HCN4: variants seen among roughly 807,000 people sequenced by gnomAD.
HCN4 encodes the protein hyperpolarization activated cyclic nucleotide gated potassium channel 4.
In HCN4, 29 loss-of-function variants were observed where a neutral mutation model predicts 76.9. The ratio of observed to expected loss-of-function variants is 0.38; its 90% CI spans 0.28 to 0.51. The LOEUF is 0.51. Among genes scored for constraint, HCN4 ranks in the 20% least tolerant of loss-of-function variants. The pLI is 0.90. For synonymous variants in HCN4, 772 were observed against 762.5 expected, an observed-to-expected ratio of 1.01 and a Z score of -0.21; for missense variants, 1,416 against 1,715.2, an observed-to-expected ratio of 0.83 and a Z score of 3.08.
Position 73,324,212 on chromosome 15 carries a change from T to G in HCN4, c.2020A>C (p.Arg674=). Residue 674 remains arginine (R), a synonymous_variant, in exon 7 of 8, where the codon AGG becomes CGG. Transcript: ENST00000261917. ...LTRGRRTASV[R]ADTYCRLYSL... Reference sequence around the variant, plus strand: ...TAGAGGCGGCAGTAGGTGTCGGCCCTCACGCTGGCTGTGCGCCGGCCCCGG... The same window carrying G: ...TAGAGGCGGCAGTAGGTGTCGGCCCGCACGCTGGCTGTGCGCCGGCCCCGG... The G allele has an allele frequency of 1.2e-6, 2 of 1,614,050 alleles. No individual in the cohort carries two copies. Among genetic ancestry groups the G allele is most frequent in the Non-Finnish European group, 1.7e-6 (2 of 1,179,962 alleles).
At chr15:73,340,486 C>T (rs1016510420) in intron 2 of HCN4, among the ~76,000 whole-genome samples, 6 of 152,174 alleles carry the variant, frequency 3.9e-5, no homozygotes, top group South Asian at 2.1e-4. Context: ...CCACCTGCGA[C>T]GGAAACCAGG....
In HCN4 at chr15:73,368,081, C is replaced by T; in HGVS notation, c.190G>A (p.Gly64Ser). The change falls in exon 1 of 8, where the codon GGC becomes AGC. Residue 64 changes from glycine (G) to serine (S), a missense_variant. Physicochemically the swap from Gly to Ser is moderately conservative, Grantham distance 56. This residue lies in a region of HCN4 where 355 missense variants were observed against 347.8 expected (regional missense o/e 1.02). Transcript: ENST00000261917. This position sits in a 1 kb window ranked among gnomAD's most constrained non-coding sequence, Gnocchi z 6.9. ...AGGGCCGAGCTCCGGGACTCCGTGCCACCCGCGGCCGCCGAGGGGGAGGGC... is the reference window on the plus strand; with the variant it reads ...AGGGCCGAGCTCCGGGACTCCGTGCTACCCGCGGCCGCCGAGGGGGAGGGC... Reference protein sequence around the residue: ...PSPSPSAAAGGTESRSSALGA... With the variant: ...PSPSPSAAAGSTESRSSALGA... 6.7e-7 allele frequency: 1 copy of T among 1,487,856 alleles called. No individual in the cohort carries two copies. 92.2% of individuals were successfully genotyped at this position (1,487,856 alleles called of 1,614,324 possible).
Position 73,322,499 on chromosome 15 carries a change from T to G in HCN4, c.3594A>C (p.Lys1198Asn), listed in dbSNP as rs1485671664. The G allele has an allele frequency of 6.3e-7, 1 of 1,597,444 alleles. No homozygotes were observed. The highest frequency in any genetic ancestry group is 8.5e-7 in the Non-Finnish European group (1 of 1,172,098). The change falls in exon 8 of 8, where the codon AAA becomes AAC. Residue 1198 changes from lysine (K) to asparagine (N), a missense_variant. Transcript: ENST00000261917. ...PGARPEPVRS[K>N]LPSNL ...GCCCAGCTCATAGATTGGATGGCAG[T>G]TTGGAGCGCACTGGCTCAGGCCTGG...
intron 1 of HCN4, among the ~76,000 whole-genome samples, chr15:73,364,722 C>T (rs74022954): frequency 0.12 from 18,394 of 151,786 alleles, 1,438 homozygotes; most frequent in African/African-American, 0.22. Context: ...GGGGTGGGAT[C>T]GGGGGCAGGT....
At chr15:73,340,087 C>T (rs2042991432) in intron 2 of HCN4, among the ~76,000 whole-genome samples, 1 of 152,222 alleles carries the variant, frequency 6.6e-6, no homozygotes, top group Non-Finnish European at 1.5e-5. Flanking sequence ...CTCTGCCTCC[C>T]CCAGAGAAAG....
Position 73,329,748 on chromosome 15 carries a change from G to A in HCN4, c.1415C>T (p.Ala472Val). The change falls in exon 4 of 8, where the codon GCC becomes GTC. Residue 472 changes from alanine (A) to valine (V), a missense_variant. Physicochemically the swap from Ala to Val is moderately conservative, Grantham distance 64 (BLOSUM62 0). Around this residue, in one of 6 missense-constraint regions of HCN4, gnomAD observed 112 missense variants for 259.9 expected, o/e 0.43. Coordinates refer to ENST00000261917, the MANE Select transcript of HCN4 (RefSeq NM_005477.3). Reference sequence around the variant, plus strand: ...GCCGATGCACAGCATGTGGCTCATGGCCTTGAAGAGCGCGTAGGAGTACTG... The same window carrying A: ...GCCGATGCACAGCATGTGGCTCATGACCTTGAAGAGCGCGTAGGAGTACTG... ...GKQYSYALFK[A>V]MSHMLCIGYG... 6.2e-7 allele frequency: 1 copy of A among 1,614,150 alleles called. No homozygotes were observed. The highest frequency in any genetic ancestry group is 8.5e-7 in the Non-Finnish European group (1 of 1,179,998).
At chr15:73,346,708 G>C (rs1304864734) in intron 1 of HCN4, among the ~76,000 whole-genome samples, 1 of 152,156 alleles carries the variant, frequency 6.6e-6, no homozygotes, top group Admixed American at 6.5e-5. Context: ...CCAGGTATCC[G>C]TAAAAAGCCC....
chr15:73,333,916 T>A (rs1295296983), intron 2 of HCN4, among the ~76,000 whole-genome samples: 1 of 152,226 alleles, frequency 6.6e-6, no homozygotes, highest in East Asian at 1.9e-4. Context: ...TGTAGCCAGG[T>A]CTGCCTGATT....
At chr15:73,339,381 G>A (rs111481512) in intron 2 of HCN4, among the ~76,000 whole-genome samples, 1 of 152,208 alleles carries the variant, frequency 6.6e-6, no homozygotes, top group Admixed American at 6.5e-5. Context: ...GGGCCCGGCT[G>A]GGGGAGGCAG....
chr15:73,368,297 G>T lies in HCN4; in HGVS notation c.-27C>A. On this transcript the variant is annotated 5_prime_UTR_variant, in exon 1 of 8. Transcript: ENST00000261917. The surrounding 1 kb of genome is among the most constrained non-coding windows in gnomAD (Gnocchi z 6.9). The stretch of plus-strand genomic sequence containing the variant: ...GCGCCAGGGGCCGGGGTCGGACCGG[G>T]CCGGGGGCAGGAGCGCGGCGCCGCG... 1 of 1,454,926 alleles carries T rather than the reference G, an allele frequency of 6.9e-7. No homozygotes were observed. The highest frequency in any genetic ancestry group is 9.0e-7 in the Non-Finnish European group (1 of 1,105,254). The allele number at this position is 1,454,926 out of a possible 1,614,324, so 90.1% of individuals were successfully genotyped here.
Position 73,320,259 on chromosome 15 carries a change from C to T in HCN4, c.*2222G>A, listed in dbSNP as rs1425544060. ...CCTTCCAGTTCTCAGAACTCCTGAG[C>T]CAGCACAGTAGAGACCAGTACTAGG... On this transcript the variant is annotated 3_prime_UTR_variant, in exon 8 of 8. Coordinates refer to ENST00000261917, the MANE Select transcript of HCN4 (RefSeq NM_005477.3). The T allele has an allele frequency of 2.6e-5, 4 of 152,354 alleles. No homozygotes were observed. In the East Asian group the frequency reaches 7.7e-4, roughly 29 times the overall value. The allele number at this position is 152,354 out of a possible 1,614,324, so 9.4% of individuals were successfully genotyped here. A position where few individuals can be genotyped will look rare whatever the true frequency, so the allele number is the denominator to read the frequency against.
Position 73,324,084 on chromosome 15 carries a change from C to T in HCN4, c.2143+5G>A, listed in dbSNP as rs547362030. ...CCTGCCCCGCCTGTGGCCCCTCCCC[C>T]TCACCAATGCGGTCCAGGCGGTCCA... On this transcript the variant is annotated splice_donor_5th_base_variant and intron_variant, in intron 7 of 7. Transcript: ENST00000261917. 1.1e-5 allele frequency: 18 copies of T among 1,612,764 alleles called. No individual in the cohort carries two copies. The Admixed American group carries it at 1.3e-4, about 12-fold the overall frequency.
At chr15:73,357,389 C>T (rs1004493009) in intron 1 of HCN4, among the ~76,000 whole-genome samples, 2 of 152,112 alleles carry the variant, frequency 1.3e-5, no homozygotes, top group Non-Finnish European at 2.9e-5. Context: ...TGTTTCCTTC[C>T]TCTGCCAATC....
chr15:73,338,842 T>C (rs1044843027), intron 2 of HCN4, among the ~76,000 whole-genome samples: 4 of 152,200 alleles, frequency 2.6e-5, no homozygotes, highest in African/African-American at 9.6e-5. Flanking sequence ...TGGGTGCAGT[T>C]TGAAGGCAGC....
chr15:73,324,352 C>G (rs2042886056), intron 6 of HCN4, 99 bp from the exon 7 acceptor site: 1 of 1,345,018 alleles, frequency 7.4e-7, no homozygotes, highest in African/African-American at 1.4e-5. Context: ...GGCACAGAAG[C>G]CTTGGCAGGC....
At chr15:73,336,605 C>T (rs1470183156) in intron 2 of HCN4, among the ~76,000 whole-genome samples, 1 of 152,190 alleles carries the variant, frequency 6.6e-6, no homozygotes, top group Admixed American at 6.5e-5. Flanking sequence ...GGCTGAGCAA[C>T]AAAAACCCAC....
chr15:73,364,787 G>A (rs892296546), intron 1 of HCN4, among the ~76,000 whole-genome samples: 1 of 152,148 alleles, frequency 6.6e-6, no homozygotes, highest in Non-Finnish European at 1.5e-5. Flanking sequence ...CCATGGCCCA[G>A]GTTATGCTGG....
Position 73,368,071 on chromosome 15 carries a change from G to A in HCN4, c.200C>T (p.Ser67Phe). The A allele has an allele frequency of 6.7e-7, 1 of 1,486,282 alleles. No homozygotes were observed. The highest frequency in any genetic ancestry group is 8.9e-7 in the Non-Finnish European group (1 of 1,123,574). The allele number at this position is 1,486,282 out of a possible 1,614,324, so 92.1% of individuals were successfully genotyped here. Residue 67 changes from serine to phenylalanine, a missense_variant, in exon 1 of 8, where the codon TCC (serine) becomes TTC (phenylalanine). Physicochemically the swap from Ser to Phe is radical, Grantham distance 155 (BLOSUM62 -2). Around this residue, in one of 6 missense-constraint regions of HCN4, gnomAD observed 355 missense variants for 347.8 expected, o/e 1.02. Transcript: ENST00000261917. This position sits in a 1 kb window ranked among gnomAD's most constrained non-coding sequence, Gnocchi z 6.9. ...CGCTGCCCCGAGGGCCGAGCTCCGG[G>A]ACTCCGTGCCACCCGCGGCCGCCGA... The part of the protein sequence containing the change: ...SPSAAAGGTE[S>F]RSSALGAADS...
At chr15:73,340,772 G>A (rs1002171624) in intron 2 of HCN4, among the ~76,000 whole-genome samples, 5 of 152,326 alleles carry the variant, frequency 3.3e-5, no homozygotes, top group Non-Finnish European at 7.3e-5. Context: ...GTGGGTGCCC[G>A]GCAAGCACTT....
Sources: allele counts gnomAD v4.1 joint callset (sites outside exome capture counted in the v4.1 genomes callset), GRCh38; gene constraint gnomAD v4.1.1; regional missense constraint gnomAD v4.1.1; non-coding constraint Gnocchi (gnomAD v3.1); transcripts MANE v1.5; gene names NCBI Gene and HGNC (gene_info 2026-07-23, HGNC 2026-07-21).